The following TRMT2B variants were observed in gnomAD, a reference collection of about 807,000 sequenced individuals.
TRMT2B encodes tRNA methyltransferase 2B, also known as tRNA (uracil-5-)-methyltransferase homolog B.
In TRMT2B, 34 loss-of-function variants were observed where a neutral mutation model predicts 39.7. That is an observed-to-expected ratio of 0.86 (90% CI 0.65 to 1.14). The LOEUF is 1.14. Ranked by LOEUF, TRMT2B falls within the 50% of genes most tolerant of loss-of-function variation. The pLI, the probability that TRMT2B is intolerant of heterozygous loss-of-function variation, is 0.00. For synonymous variants in TRMT2B, 132 were observed against 137.3 expected, an observed-to-expected ratio of 0.96 and a Z score of 0.27; for missense variants, 318 against 377.2, an observed-to-expected ratio of 0.84 and a Z score of 1.30.
At chrX:100,986,721 T>C in the TRMT2B span, 1 of 669,828 alleles carries the variant, frequency 1.5e-6, no homozygotes, top group Admixed American at 3.4e-5. Context: ...CTCTTTCCCT[T>C]CTTTTCTCGC....
At chrX:100,974,691 G>A in the TRMT2B span, among the ~76,000 whole-genome samples, 8 of 111,310 alleles carry the variant, frequency 7.2e-5, no homozygotes, top group Admixed American at 6.7e-4. Flanking sequence ...GAGAAATGTC[G>A]TCAGTTCCGA....
the TRMT2B span, among the ~76,000 whole-genome samples, chrX:100,996,215 C>T: frequency 9.0e-6 from 1 of 111,706 alleles, no homozygotes; most frequent in African/African-American, 3.3e-5. Context: ...TGGGTGCTAA[C>T]AAAGTTATCT....
downstream of TRMT2B, among the ~76,000 whole-genome samples, chrX:101,006,755 A>G (rs965621457): frequency 1.8e-5 from 2 of 109,748 alleles, no homozygotes; most frequent in African/African-American, 6.7e-5. Context: ...GTGAGCCATG[A>G]TGGCGCTACT....
At chrX:101,031,437 G>A (rs905711520) in intron 7 of TRMT2B, among the ~76,000 whole-genome samples, 2 of 112,493 alleles carry the variant, frequency 1.8e-5, no homozygotes, top group African/African-American at 6.4e-5. Flanking sequence ...GCTGGGCATG[G>A]TGGCTCACGC....
the TRMT2B span, among the ~76,000 whole-genome samples, chrX:100,997,526 C>CA: frequency 9.0e-6 from 1 of 111,002 alleles, no homozygotes; most frequent in Non-Finnish European, 1.9e-5. Flanking sequence ...GGTTAGTTTA[C>CA]AAAAAAAATC....
chrX:100,999,983 C>T, the TRMT2B span, among the ~76,000 whole-genome samples: 13 of 111,854 alleles, frequency 1.2e-4, no homozygotes, highest in Non-Finnish European at 1.1e-4. Flanking sequence ...AAAATTTGCA[C>T]TCATTGGTTC....
the TRMT2B span, among the ~76,000 whole-genome samples, chrX:100,980,911 G>A: frequency 8.9e-6 from 1 of 111,824 alleles, no homozygotes; most frequent in African/African-American, 3.2e-5. Context: ...CCTGAAATGG[G>A]GGCTTCGGGA....
At chrX:100,988,459 T>C in the TRMT2B span, 1 of 1,195,595 alleles carries the variant, frequency 8.4e-7, no homozygotes, top group East Asian at 3.0e-5. Context: ...AGGTGAATGT[T>C]CTAGGAGAAT....
At chrX:100,997,534 A>T in the TRMT2B span, among the ~76,000 whole-genome samples, 2 of 112,009 alleles carry the variant, frequency 1.8e-5, no homozygotes, top group Non-Finnish European at 3.8e-5. Context: ...TACAAAAAAA[A>T]TCCTACAAAC....
downstream of TRMT2B, among the ~76,000 whole-genome samples, chrX:101,006,154 G>A (rs1002616378): frequency 1.0e-4 from 11 of 107,880 alleles, no homozygotes; most frequent in South Asian, 4.1e-4. Context: ...CCCAGGAGGC[G>A]GAGAGGCGGA....
chrX:101,017,512 A>G (rs1031744435), intron 13 of TRMT2B, among the ~76,000 whole-genome samples: 4 of 112,289 alleles, frequency 3.6e-5, no homozygotes, highest in Non-Finnish European at 1.9e-5. Flanking sequence ...TCATTCAAAT[A>G]TATAATCTGT....
the TRMT2B span, among the ~76,000 whole-genome samples, chrX:101,000,800 AAAT>A: frequency 9.0e-6 from 1 of 111,549 alleles, no homozygotes; most frequent in Non-Finnish European, 1.9e-5. Flanking sequence ...AGAGCTTTTA[AAAT>A]AATGATGATA....
Position 101,023,614 on chromosome X carries a change from G to C in TRMT2B, c.612C>G (p.Tyr204Ter). ...GAGACTGTCGAAGGAATACTTCATA[G>C]TACTAGGAAGAGAACCGAATTATTA... ...IPEKHSQVAQ[Y>*]YEVFLRQSPL... The change falls in exon 8 of 14, where the codon TAC becomes TAG. Residue 204 changes from tyrosine (Y) to a stop codon, truncating the protein, a stop_gained and splice_region_variant. Coordinates refer to ENST00000372936, the MANE Select transcript of TRMT2B (RefSeq NM_024917.6). LOFTEE classifies it high-confidence loss of function. 2.5e-6 allele frequency: 3 copies of C among 1,193,827 alleles called. No homozygotes were observed. The highest frequency in any genetic ancestry group is 3.4e-6 in the Non-Finnish European group (3 of 882,625).
the TRMT2B span, among the ~76,000 whole-genome samples, chrX:101,000,978 A>G: frequency 9.0e-6 from 1 of 111,378 alleles, no homozygotes; most frequent in African/African-American, 3.3e-5. Context: ...GACATGTTAA[A>G]TTAGATTGCC....
intron 7 of TRMT2B, among the ~76,000 whole-genome samples, chrX:101,029,239 C>A (rs1454726960): frequency 9.0e-6 from 1 of 110,876 alleles, no homozygotes; most frequent in East Asian, 2.8e-4. Flanking sequence ...GCATGGCTAA[C>A]ACCTTCACTT....
chrX:100,980,796 TAGTCAGG>T, the TRMT2B span, among the ~76,000 whole-genome samples: 2 of 111,178 alleles, frequency 1.8e-5, no homozygotes, highest in Admixed American at 9.6e-5. Flanking sequence ...AAGGGCTCTT[TAGTCAGG>T]TGGTGGTGAA....
Position 101,010,512 on chromosome X carries a change from A to G in TRMT2B, c.*69T>C, listed in dbSNP as rs1346142126. The G allele has an allele frequency of 3.5e-6, 4 of 1,159,128 alleles. No homozygotes were observed. The highest frequency in any genetic ancestry group is 4.7e-6 in the Non-Finnish European group (4 of 855,140). ...TGCTCCCAGGGTCTGCAATGTAGCA[A>G]TATGCCAAACCTGAAAGTTTCTGAA... On this transcript the variant is annotated 3_prime_UTR_variant, in exon 14 of 14. Coordinates refer to ENST00000372936, the MANE Select transcript of TRMT2B (RefSeq NM_024917.6).
downstream of TRMT2B, among the ~76,000 whole-genome samples, chrX:101,006,406 CATAAT>C (rs1202704186): frequency 2.7e-5 from 3 of 110,633 alleles, no homozygotes; most frequent in Middle Eastern, 9.3e-3. Context: ...TAGTTGAACT[CATAAT>C]ATAATGGTTA....
downstream of TRMT2B, among the ~76,000 whole-genome samples, chrX:101,006,116 G>A (rs62602389): frequency 0.2 from 21,458 of 108,317 alleles, 1,702 homozygotes; most frequent in Middle Eastern, 0.24. Context: ...AGCCTCTCAG[G>A]AGGCTGAGGC....
Sources: allele counts gnomAD v4.1 joint callset (sites outside exome capture counted in the v4.1 genomes callset), GRCh38; gene constraint gnomAD v4.1.1; transcripts MANE v1.5; gene names NCBI Gene and HGNC (gene_info 2026-07-23, HGNC 2026-07-21).